Variants in PAQR5 observed in about 807,000 individuals in gnomAD.
PAQR5 encodes the protein membrane progestin receptor gamma.
A neutral mutation model predicts 34.5 loss-of-function variants in PAQR5; 20 were observed. That is an observed-to-expected ratio of 0.58 (90% CI 0.41 to 0.84). PAQR5 has a LOEUF of 0.84. Among genes scored for constraint, PAQR5 ranks in the 40% least tolerant of loss-of-function variants. The pLI, the probability that PAQR5 is intolerant of heterozygous loss-of-function variation, is 0.00. For missense variants in PAQR5, 378 were observed against 412.7 expected (o/e 0.92, Z 0.73); for synonymous variants, 131 against 155.6 (o/e 0.84, Z 1.18).
At chr15:69,307,848 G>T (rs574340285) in intron 1 of PAQR5, among the ~76,000 whole-genome samples, 3 of 152,252 alleles carry the variant, frequency 2.0e-5, no homozygotes, top group Admixed American at 2.0e-4. Flanking sequence ...GCCGCACAAG[G>T]GTGCCCAGGA....
At chr15:69,390,242 C>T (rs1431945297) in intron 6 of PAQR5, among the ~76,000 whole-genome samples, 1 of 152,162 alleles carries the variant, frequency 6.6e-6, no homozygotes, top group East Asian at 1.9e-4. Flanking sequence ...TCTGGAACTC[C>T]TGACTGCAGG....
At chr15:69,389,313 C>A (rs981980945) in intron 5 of PAQR5, among the ~76,000 whole-genome samples, 7 of 152,222 alleles carry the variant, frequency 4.6e-5, no homozygotes, top group African/African-American at 1.7e-4. Flanking sequence ...AGCTGCAGGA[C>A]CCTGGGCGAG....
At chr15:69,340,370 A>T (rs919429765) in intron 2 of PAQR5, among the ~76,000 whole-genome samples, 2 of 152,108 alleles carry the variant, frequency 1.3e-5, no homozygotes, top group Non-Finnish European at 2.9e-5. Context: ...ATACGATTCT[A>T]TCTTTAAATG....
At chr15:69,377,024 C>A (rs938836682) in intron 3 of PAQR5, among the ~76,000 whole-genome samples, 1 of 152,194 alleles carries the variant, frequency 6.6e-6, no homozygotes, top group Non-Finnish European at 1.5e-5. Context: ...TCACCGCCCC[C>A]ACATGTCCAG....
chr15:69,382,776 CCATATATATATATATATATATG>C, intron 4 of PAQR5: 1 of 61,888 alleles, frequency 1.6e-5, no homozygotes, highest in Admixed American at 1.7e-4. Flanking sequence ...ATATATGTGA[CCATATATATATATATATATATG>C]ACCATATATA....
chr15:69,371,022 T>C (rs527796024), intron 3 of PAQR5, among the ~76,000 whole-genome samples: 1 of 152,382 alleles, frequency 6.6e-6, no homozygotes, highest in East Asian at 1.9e-4. Context: ...TTCCATATAA[T>C]TTATTTTATT....
chr15:69,301,385 T>G (rs1220590786), intron 1 of PAQR5, among the ~76,000 whole-genome samples: 1 of 152,190 alleles, frequency 6.6e-6, no homozygotes, highest in African/African-American at 2.4e-5. Context: ...GTGGGTTCCA[T>G]GCCAAGCTTG....
intron 1 of PAQR5, among the ~76,000 whole-genome samples, chr15:69,334,471 A>G (rs748538302): frequency 1.3e-5 from 2 of 152,196 alleles, no homozygotes; most frequent in African/African-American, 2.4e-5. Context: ...GAATTGTTCA[A>G]TTTCCCTACT....
chr15:69,397,190 C>T, intron 6 of PAQR5: 1 of 525,966 alleles, frequency 1.9e-6, no homozygotes, highest in Non-Finnish European at 3.7e-6. Flanking sequence ...TGAAGGGTTT[C>T]TGCCCAGCGC....
In PAQR5 at chr15:69,389,705, C is replaced by T. The variant is rs1365702289; in HGVS notation, c.437C>T (p.Thr146Ile). 6.2e-7 allele frequency: 1 copy of T among 1,614,094 alleles called. No homozygotes were observed. The change falls in exon 6 of 9, where the codon ACC becomes ATC. Residue 146 changes from threonine to isoleucine, a missense_variant. By Grantham distance (89) the Thr-to-Ile change is moderately conservative. Coordinates refer to ENST00000395407, the MANE Select transcript of PAQR5 (RefSeq NM_017705.4). ...ACGTTCCCGGATGCGCTCATGTGCACCACTTTCCATGACTACTACGTGGCC... is the reference window on the plus strand; with the variant it reads ...ACGTTCCCGGATGCGCTCATGTGCATCACTTTCCATGACTACTACGTGGCC... Reference protein sequence around the residue: ...AYTFPDALMCTTFHDYYVALA... With the variant: ...AYTFPDALMCITFHDYYVALA...
chr15:69,353,229 C>T (rs142233118), intron 2 of PAQR5, among the ~76,000 whole-genome samples: 37 of 152,296 alleles, frequency 2.4e-4, no homozygotes, highest in African/African-American at 8.7e-4. Flanking sequence ...CAGCCAGCTA[C>T]CTGGTGGCAA....
chr15:69,355,320 CTTTCTTTCT>C (rs2055033790), intron 2 of PAQR5, among the ~76,000 whole-genome samples: 1 of 33,976 alleles, frequency 2.9e-5, no homozygotes, highest in African/African-American at 1.6e-4. Flanking sequence ...TTCTTTCTTT[CTTTCTTTCT>C]TTCTTTCTTT....
At position 69,385,720 on chromosome 15, in the gene PAQR5, C is replaced by T. The variant is rs1726309309; in HGVS notation, c.385+838C>T. On this transcript the variant is annotated intron_variant, in intron 5 of 8. Transcript: ENST00000395407. The surrounding 1 kb of genome is among the most constrained non-coding windows in gnomAD (Gnocchi z 4.7). ...TGTCCATGAGGAGCCTACCTCCATC[C>T]TCTTTCTTCATATACACACGTTCAC... Among the ~76,000 whole-genome samples, 1 of 152,016 alleles carries T rather than the reference C, an allele frequency of 6.6e-6. No homozygotes were observed. Among genetic ancestry groups the T allele is most frequent in the Non-Finnish European group, 1.5e-5 (1 of 67,990 alleles).
At position 69,405,816 on chromosome 15, in the gene PAQR5, A is replaced by C. The variant is rs528247292; in HGVS notation, c.*1994A>C. ...TCACATGCTTAATGATGGAAATGAAATGTTAAATCAACAAAATAAGATCCA... is the reference window on the plus strand; with the variant it reads ...TCACATGCTTAATGATGGAAATGAACTGTTAAATCAACAAAATAAGATCCA... On this transcript the variant is annotated 3_prime_UTR_variant, in exon 9 of 9. Coordinates refer to ENST00000395407, the MANE Select transcript of PAQR5 (RefSeq NM_017705.4). 1 of 152,334 alleles carries C rather than the reference A, an allele frequency of 6.6e-6. No individual in the cohort carries two copies. Among genetic ancestry groups the C allele is most frequent in the South Asian group, 2.1e-4 (1 of 4,828 alleles). 9.4% of individuals were successfully genotyped at this position (152,334 alleles called of 1,614,324 possible). A position where few individuals can be genotyped will look rare whatever the true frequency, so the allele number is the denominator to read the frequency against.
intron 3 of PAQR5, chr15:69,379,613 G>A (rs1211765504): frequency 1.0e-6 from 1 of 983,414 alleles, no homozygotes; most frequent in Non-Finnish European, 1.2e-6. Context: ...CCAAGAGTAA[G>A]TACGCCGGGG....
At chr15:69,395,965 G>A (rs968128999) in intron 6 of PAQR5, among the ~76,000 whole-genome samples, 1 of 151,974 alleles carries the variant, frequency 6.6e-6, no homozygotes. Flanking sequence ...CCTTTCTCCT[G>A]AAACAGGAAT....
intron 1 of PAQR5, among the ~76,000 whole-genome samples, chr15:69,304,334 T>C (rs1438086520): frequency 1.3e-5 from 2 of 152,212 alleles, no homozygotes; most frequent in African/African-American, 2.4e-5. Context: ...TGTTGCAACA[T>C]GACGTGAGTC....
chr15:69,403,368 C>T (rs936853064), intron 8 of PAQR5, among the ~76,000 whole-genome samples: 7 of 152,176 alleles, frequency 4.6e-5, no homozygotes, highest in African/African-American at 9.7e-5. Flanking sequence ...CAGACCCATG[C>T]ACTGTTAATA....
intron 1 of PAQR5, among the ~76,000 whole-genome samples, chr15:69,325,170 C>T (rs1317022094): frequency 6.6e-6 from 1 of 152,132 alleles, no homozygotes; most frequent in East Asian, 1.9e-4. Context: ...GTGTGCTGGG[C>T]TTACAGGCGT....
Sources: allele counts gnomAD v4.1 joint callset (sites outside exome capture counted in the v4.1 genomes callset), GRCh38; gene constraint gnomAD v4.1.1; non-coding constraint Gnocchi (gnomAD v3.1); transcripts MANE v1.5; gene names NCBI Gene and HGNC (gene_info 2026-07-23, HGNC 2026-07-21).